EML4: variants seen among roughly 807,000 people sequenced by gnomAD.
EML4 encodes EMAP like 4.
EML4 carries 72 observed loss-of-function variants against 129.0 expected under a neutral mutation model. The observed-to-expected ratio is 0.56, with a 90% CI of 0.46 to 0.68. The LOEUF (loss-of-function observed/expected upper bound fraction) is 0.68, where lower values mean the gene tolerates loss of function less well. Among genes scored for constraint, EML4 ranks in the 30% least tolerant of loss-of-function variants. The pLI, the probability that EML4 is intolerant of heterozygous loss-of-function variation, is 0.00. For synonymous variants in EML4, 532 were observed against 405.0 expected, an observed-to-expected ratio of 1.31 and a Z score of -3.77; for missense variants, 1,363 against 1,190.6, an observed-to-expected ratio of 1.14 and a Z score of -2.13.
chr2:42,215,503 C>G (rs1396397463), intron 1 of EML4, among the ~76,000 whole-genome samples: 1 of 151,766 alleles, frequency 6.6e-6, no homozygotes, highest in Non-Finnish European at 1.5e-5. Flanking sequence ...GTGTTGGCCT[C>G]AGACTAGATT....
chr2:42,211,626 G>C (rs540066733), intron 1 of EML4, among the ~76,000 whole-genome samples: 1 of 152,298 alleles, frequency 6.6e-6, no homozygotes, highest in South Asian at 2.1e-4. Flanking sequence ...TGTCGTTAGA[G>C]AGGTTGAAAA....
intron 13 of EML4, among the ~76,000 whole-genome samples, chr2:42,297,630 T>G (rs530232558): frequency 8.5e-5 from 13 of 152,078 alleles, no homozygotes; most frequent in Non-Finnish European, 1.9e-4. Context: ...TAAATGGAAG[T>G]CCAGACCAGA....
chr2:42,199,483 A>C (rs909849211), intron 1 of EML4, among the ~76,000 whole-genome samples: 5 of 152,238 alleles, frequency 3.3e-5, no homozygotes, highest in African/African-American at 9.6e-5. Flanking sequence ...AAGGTTTTGC[A>C]GGAGACTTTT....
At chr2:42,189,768 C>A (rs1405501937) in intron 1 of EML4, among the ~76,000 whole-genome samples, 1 of 152,124 alleles carries the variant, frequency 6.6e-6, no homozygotes, top group Admixed American at 6.5e-5. Flanking sequence ...TTTCAAAATA[C>A]GGTGCTTTCC....
chr2:42,192,012 G>A (rs1241399106), intron 1 of EML4, among the ~76,000 whole-genome samples: 2 of 151,766 alleles, frequency 1.3e-5, no homozygotes, highest in East Asian at 1.9e-4. Context: ...GGTGGCACAT[G>A]CCTGTAATTC....
chr2:42,264,725 A>G lies in EML4; in HGVS notation c.661A>G (p.Asn221Asp). Residue 221 changes from asparagine to aspartate, a missense_variant, in exon 6 of 23, where the codon AAC (asparagine) becomes GAC (aspartate). Physicochemically the swap from Asn to Asp is conservative, Grantham distance 23 (BLOSUM62 1). Transcript: ENST00000318522. Reference sequence around the variant, plus strand: ...TTCTAGGCATAAAGATGTCATCATCAACCAAGGTAAATTAAAAATCCTTTT... The same window carrying G: ...TTCTAGGCATAAAGATGTCATCATCGACCAAGGTAAATTAAAAATCCTTTT... Reference protein sequence around the residue: ...TADKHKDVIINQEGEYIKMFM... With the variant: ...TADKHKDVIIDQEGEYIKMFM... The G allele has an allele frequency of 6.9e-7, 1 of 1,452,662 alleles. No individual in the cohort carries two copies. Among genetic ancestry groups the G allele is most frequent in the Non-Finnish European group, 9.5e-7 (1 of 1,048,300 alleles). 90.0% of individuals were successfully genotyped at this position (1,452,662 alleles called of 1,614,324 possible). A position where few individuals can be genotyped will look rare whatever the true frequency, so the allele number is the denominator to read the frequency against.
chr2:42,272,632 C>T (rs1487780108), intron 6 of EML4, among the ~76,000 whole-genome samples: 1 of 152,136 alleles, frequency 6.6e-6, no homozygotes, highest in Non-Finnish European at 1.5e-5. Flanking sequence ...AGTTAACTGG[C>T]AGACTTGAAG....
intron 13 of EML4, among the ~76,000 whole-genome samples, chr2:42,297,517 G>A (rs1275109985): frequency 1.3e-5 from 2 of 152,164 alleles, no homozygotes; most frequent in Non-Finnish European, 2.9e-5. Flanking sequence ...ACATGAAATG[G>A]CCTGTGTTGT....
intron 10 of EML4, among the ~76,000 whole-genome samples, chr2:42,287,211 T>C (rs1049465327): frequency 2.0e-5 from 3 of 152,170 alleles, no homozygotes; most frequent in African/African-American, 7.2e-5. Flanking sequence ...GAAAGATAAA[T>C]TTTAGTGAAT....
chr2:42,311,524 G>C (rs932837852), intron 17 of EML4, among the ~76,000 whole-genome samples: 4 of 151,890 alleles, frequency 2.6e-5, no homozygotes, highest in Non-Finnish European at 5.9e-5. Context: ...CTGGGCAACA[G>C]AGCGAGACCC....
chr2:42,265,328 C>T (rs1215141017), intron 6 of EML4, among the ~76,000 whole-genome samples: 1 of 152,180 alleles, frequency 6.6e-6, no homozygotes, highest in Non-Finnish European at 1.5e-5. Context: ...TGGCTGCAAA[C>T]TCCTGACCTC....
intron 1 of EML4, among the ~76,000 whole-genome samples, chr2:42,224,763 AT>A (rs1238223207): frequency 2.0e-5 from 3 of 152,072 alleles, no homozygotes; most frequent in East Asian, 3.9e-4. Context: ...TCTCATTATG[AT>A]TTTTTATTGT....
chr2:42,199,382 A>T (rs1387824444), intron 1 of EML4, among the ~76,000 whole-genome samples: 2 of 152,186 alleles, frequency 1.3e-5, no homozygotes, highest in Non-Finnish European at 2.9e-5. Context: ...ATCAAAACTT[A>T]TATGTAATTT....
In EML4 at chr2:42,222,787, G is replaced by GTTTGTTTTGT. The variant is rs149486569; in HGVS notation, c.26-22699_26-22690dup. Among the ~76,000 whole-genome samples, 787 of 150,960 alleles carry GTTTGTTTTGT rather than the reference G, an allele frequency of 5.2e-3. 9 individuals carry two copies. Among genetic ancestry groups the GTTTGTTTTGT allele is most frequent in the East Asian group, 0.022 (112 of 5,076 alleles). ...TATATAGAAATATAACGGTTCTTTT[G>GTTTGTTTTGT]TTTGTTTTGTTTTGTTTTGTTTTGT... On this transcript the variant is annotated intron_variant, in intron 1 of 22. Transcript: ENST00000318522.
At chr2:42,322,919 C>CT (rs1428882224) in intron 19 of EML4, among the ~76,000 whole-genome samples, 1 of 152,154 alleles carries the variant, frequency 6.6e-6, no homozygotes, top group Non-Finnish European at 1.5e-5. Flanking sequence ...GAGTTAATAA[C>CT]TTTCCTAAGA....
intron 1 of EML4, among the ~76,000 whole-genome samples, chr2:42,170,846 G>T (rs1200171442): frequency 1.3e-5 from 2 of 152,320 alleles, no homozygotes; most frequent in South Asian, 2.1e-4. Context: ...GCCATAGGCC[G>T]TACTATATCC....
chr2:42,326,648 G>A lies in EML4; in HGVS notation c.2341+396G>A, dbSNP rs568880117. On this transcript the variant is annotated intron_variant, in intron 21 of 22. Transcript: ENST00000318522. ...TGTAATTCTAGCACTTTGGGAGGCC[G>A]AGGTGGGCAAATCACCTGAGTTCAG... 7.2e-5 allele frequency among the ~76,000 whole-genome samples: 11 copies of A among 152,304 alleles called. No individual in the cohort carries two copies. In the South Asian group the frequency reaches 8.3e-4, roughly 11 times the overall value.
intron 1 of EML4, among the ~76,000 whole-genome samples, chr2:42,188,039 G>C (rs990809959): frequency 1.3e-5 from 2 of 151,992 alleles, no homozygotes; most frequent in African/African-American, 4.8e-5. Context: ...TCGTTTATTT[G>C]CACACTGATG....
At position 42,330,541 on chromosome 2, in the gene EML4, T is replaced by C; in HGVS notation, c.*334T>C. ...TGATTTTGAAAACAAACCCCCTTGT[T>C]ATCTGAACATGTTTTCTTCAGGAAC... On this transcript the variant is annotated 3_prime_UTR_variant, in exon 23 of 23. Transcript: ENST00000318522. 2.2e-6 allele frequency: 1 copy of C among 451,080 alleles called. No homozygotes were observed. The highest frequency in any genetic ancestry group is 4.1e-6 in the Non-Finnish European group (1 of 242,560). 27.9% of individuals were successfully genotyped at this position (451,080 alleles called of 1,614,324 possible). A position where few individuals can be genotyped will look rare whatever the true frequency, so the allele number is the denominator to read the frequency against.
Sources: allele counts gnomAD v4.1 joint callset (sites outside exome capture counted in the v4.1 genomes callset), GRCh38; gene constraint gnomAD v4.1.1; transcripts MANE v1.5; gene names NCBI Gene and HGNC (gene_info 2026-07-23, HGNC 2026-07-21).